The following CNTNAP2 variants were observed in gnomAD, a reference collection of about 807,000 sequenced individuals.
CNTNAP2 encodes the protein contactin associated protein 2.
A neutral mutation model predicts 155.2 loss-of-function variants in CNTNAP2; 98 were observed. The observed-to-expected ratio is 0.63, with a 90% CI of 0.54 to 0.75. CNTNAP2 has a LOEUF of 0.75. Among genes scored for constraint, CNTNAP2 ranks in the 30% least tolerant of loss-of-function variants. The probability of loss-of-function intolerance (pLI) is 0.00; values close to 1 mark genes in which losing one functional copy is unlikely to be tolerated. For missense variants in CNTNAP2, 1,727 were observed against 1,688.1 expected (o/e 1.02, Z -0.40); for synonymous variants, 651 against 631.2 (o/e 1.03, Z -0.47).
At chr7:146,824,866 T>TG (rs1803369568) in intron 2 of CNTNAP2, among the ~76,000 whole-genome samples, 1 of 151,470 alleles carries the variant, frequency 6.6e-6, no homozygotes, top group African/African-American at 2.4e-5. Flanking sequence ...GGACCTGTTT[T>TG]TTTTTTTTTT....
rs117916303 is a variant in CNTNAP2 at position 147,529,899 on chromosome 7, G to T, written c.1778-32239G>T. 2.5e-4 allele frequency among the ~76,000 whole-genome samples: 38 copies of T among 152,248 alleles called. No individual in the cohort carries two copies. In the East Asian group the frequency reaches 7.0e-3, roughly 28 times the overall value. ...GCCAGGAAATCACAGGACTCCACCA[G>T]GTGTGATAAGGTCCCAATCTAATAA... On this transcript the variant is annotated intron_variant, in intron 11 of 23. Coordinates refer to ENST00000361727, the MANE Select transcript of CNTNAP2 (RefSeq NM_014141.6).
chr7:147,609,809 C>A lies in CNTNAP2; in HGVS notation c.1898-29297C>A, dbSNP rs908540456. On this transcript the variant is annotated intron_variant, in intron 12 of 23. Transcript: ENST00000361727. Reference sequence around the variant, plus strand: ...GAGAGAAACCTGAACACCCAAAAGGCCAGTGAGATTTTGAAGCTTATATAC... The same window carrying A: ...GAGAGAAACCTGAACACCCAAAAGGACAGTGAGATTTTGAAGCTTATATAC... Among the ~76,000 whole-genome samples the A allele has an allele frequency of 7.9e-5, 12 of 151,914 alleles. 1 individual carries two copies. The highest frequency in any genetic ancestry group is 4.6e-4 in the Admixed American group (7 of 15,262).
chr7:146,684,730 A>T (rs963083481), intron 1 of CNTNAP2, among the ~76,000 whole-genome samples: 4 of 150,054 alleles, frequency 2.7e-5, no homozygotes, highest in African/African-American at 9.9e-5. Flanking sequence ...CCTATTTGAC[A>T]TTTTCAAATC....
At chr7:147,144,332 C>T (rs572958034) in intron 8 of CNTNAP2, among the ~76,000 whole-genome samples, 1 of 152,344 alleles carries the variant, frequency 6.6e-6, no homozygotes, top group South Asian at 2.1e-4. Context: ...ACCATACTTC[C>T]ATCCTGACCC....
At chr7:148,281,263 G>A (rs139788375) in intron 21 of CNTNAP2, among the ~76,000 whole-genome samples, 3 of 152,316 alleles carry the variant, frequency 2.0e-5, no homozygotes, top group African/African-American at 7.2e-5. Context: ...GAGAAAATGG[G>A]GTAGATTAAA....
intron 9 of CNTNAP2, among the ~76,000 whole-genome samples, chr7:147,327,913 A>G (rs189037317): frequency 5.4e-4 from 82 of 152,248 alleles, no homozygotes; most frequent in African/African-American, 1.9e-3. Context: ...TCAGCCACCA[A>G]TACCTTAGCA....
intron 21 of CNTNAP2, among the ~76,000 whole-genome samples, chr7:148,282,897 A>G (rs111264073): frequency 0.02 from 3,040 of 152,184 alleles, 33 homozygotes; most frequent in Non-Finnish European, 0.025. Flanking sequence ...CACACAACAT[A>G]CTTTTGCATA....
chr7:146,768,511 G>A (rs1297017610), intron 1 of CNTNAP2, among the ~76,000 whole-genome samples: 3 of 151,788 alleles, frequency 2.0e-5, no homozygotes, highest in Admixed American at 2.0e-4. Context: ...AGGAACTGCT[G>A]TGCTACTGAT....
intron 1 of CNTNAP2, among the ~76,000 whole-genome samples, chr7:146,207,039 C>T (rs1226993880): frequency 6.6e-6 from 1 of 151,796 alleles, no homozygotes; most frequent in Non-Finnish European, 1.5e-5. Context: ...ACAACATTGG[C>T]CTCAAATATT....
At chr7:147,128,665 G>GT in intron 6 of CNTNAP2, 28 bp from the exon 7 acceptor site, 1 of 1,613,332 alleles carries the variant, frequency 6.2e-7, no homozygotes, top group Non-Finnish European at 8.5e-7. Context: ...CAATGTGGAC[G>GT]TTTACATTTA....
intron 1 of CNTNAP2, among the ~76,000 whole-genome samples, chr7:146,155,449 A>T (rs1377146992): frequency 6.6e-6 from 1 of 152,110 alleles, no homozygotes; most frequent in Non-Finnish European, 1.5e-5. Flanking sequence ...TTTTATTCGT[A>T]TAACTATGTG....
intron 1 of CNTNAP2, among the ~76,000 whole-genome samples, chr7:146,364,073 C>T (rs1282929285): frequency 1.3e-5 from 2 of 151,990 alleles, no homozygotes; most frequent in African/African-American, 4.8e-5. Context: ...GATCTAATAC[C>T]GTTTGTAAGG....
intron 13 of CNTNAP2, among the ~76,000 whole-genome samples, chr7:147,896,336 G>A (rs1329102599): frequency 2.0e-5 from 3 of 152,126 alleles, no homozygotes; most frequent in South Asian, 2.1e-4. Context: ...CACCGTAACC[G>A]CCCAAGGAGT....
chr7:147,878,924 G>A (rs1357442067), intron 13 of CNTNAP2, among the ~76,000 whole-genome samples: 6 of 152,088 alleles, frequency 3.9e-5, no homozygotes, highest in African/African-American at 1.2e-4. Flanking sequence ...TAATATTCTT[G>A]CACATTGCAT....
chr7:147,786,249 G>A (rs1462565219), intron 13 of CNTNAP2, among the ~76,000 whole-genome samples: 2 of 152,218 alleles, frequency 1.3e-5, no homozygotes, highest in African/African-American at 4.8e-5. Flanking sequence ...TCCAGCCTGG[G>A]CGACACAGTG....
At chr7:147,295,463 A>G (rs1313603777) in intron 8 of CNTNAP2, among the ~76,000 whole-genome samples, 1 of 152,190 alleles carries the variant, frequency 6.6e-6, no homozygotes, top group East Asian at 1.9e-4. Context: ...ATGCTTACAG[A>G]TTGGTAGACT....
At chr7:146,466,832 T>C (rs757698687) in intron 1 of CNTNAP2, among the ~76,000 whole-genome samples, 1 of 152,290 alleles carries the variant, frequency 6.6e-6, no homozygotes, top group Admixed American at 6.5e-5. Flanking sequence ...TGATCTAAAA[T>C]ATCCCTACTT....
At chr7:147,193,272 A>C (rs1273073144) in intron 8 of CNTNAP2, among the ~76,000 whole-genome samples, 2 of 152,212 alleles carry the variant, frequency 1.3e-5, no homozygotes, top group African/African-American at 4.8e-5. Context: ...GAACTTGTCC[A>C]AGTTAATGTA....
chr7:147,292,300 C>T (rs1241577958), intron 8 of CNTNAP2, among the ~76,000 whole-genome samples: 1 of 152,106 alleles, frequency 6.6e-6, no homozygotes, highest in Non-Finnish European at 1.5e-5. Context: ...TTTTCATTCA[C>T]CATTAAATTG....
Sources: gnomAD v4.1 joint callset for allele counts (sites outside exome capture counted in the v4.1 genomes callset) on GRCh38, gnomAD v4.1.1 for gene constraint, MANE v1.5 for transcripts, NCBI Gene and HGNC (gene_info 2026-07-23, HGNC 2026-07-21) for gene names.